Variants in USP37 observed in about 807,000 individuals in gnomAD.
The protein encoded by USP37 is ubiquitin carboxyl-terminal hydrolase 37.
Under a neutral mutation model 124.0 loss-of-function variants are expected in USP37, and 27 were observed. The ratio of observed to expected loss-of-function variants is 0.22; its 90% CI spans 0.16 to 0.30. The LOEUF (loss-of-function observed/expected upper bound fraction) is 0.30. USP37 is among the 10% of genes least tolerant of loss of function. The probability of loss-of-function intolerance (pLI) is 1.00; values close to 1 mark genes in which losing one functional copy is unlikely to be tolerated. For synonymous variants in USP37, 365 were observed against 388.0 expected, an observed-to-expected ratio of 0.94 and a Z score of 0.70; for missense variants, 889 against 1,140.4, an observed-to-expected ratio of 0.78 and a Z score of 3.17.
chr2:218,461,572 C>T lies in USP37; in HGVS notation c.2528-1667G>A, dbSNP rs568760488. Among the ~76,000 whole-genome samples, 14 of 152,020 alleles carry T rather than the reference C, an allele frequency of 9.2e-5. 1 individual carries two copies. The South Asian group carries it at 2.9e-3, about 32-fold the overall frequency. ...AGAACAGGAAAAGAGAATATAGCTT[C>T]AAAATTCTGGAAGTTGGAAATACAT... On this transcript the variant is annotated intron_variant, in intron 22 of 25. Transcript: ENST00000258399.
At chr2:218,477,084 A>G (rs1691022087) in intron 18 of USP37, 103 bp from the exon 19 acceptor site, 1 of 1,276,128 alleles carries the variant, frequency 7.8e-7, no homozygotes. Flanking sequence ...ACGGAAAATT[A>G]CTTAACAGAA....
chr2:218,539,977 C>T (rs980350526), intron 8 of USP37, among the ~76,000 whole-genome samples: 1 of 151,994 alleles, frequency 6.6e-6, no homozygotes. Flanking sequence ...GCCACTGCAT[C>T]CCAGCCTAGG....
Position 218,558,520 on chromosome 2 carries a change from C to G in USP37, c.134G>C (p.Gly45Ala). The change falls in exon 4 of 26, where the codon GGA becomes GCA. Residue 45 changes from glycine to alanine, a missense_variant. Gly to Ala is a moderately conservative substitution (Grantham distance 60). Transcript: ENST00000258399. ...TACCTGAAATATCCTTGGAATTCCT[C>G]CAGTATTGTAGTGAACTACTAGGCT... Reference protein sequence around the residue: ...KVSLVVHYNTGGIPRIFQLSH... With the variant: ...KVSLVVHYNTAGIPRIFQLSH... 1.2e-6 allele frequency: 2 copies of G among 1,610,316 alleles called. No individual in the cohort carries two copies. The highest frequency in any genetic ancestry group is 1.7e-6 in the Non-Finnish European group (2 of 1,178,756).
chr2:218,493,918 C>T (rs1338429845), intron 14 of USP37, among the ~76,000 whole-genome samples: 1 of 152,148 alleles, frequency 6.6e-6, no homozygotes, highest in Non-Finnish European at 1.5e-5. Context: ...ATGGTACGCC[C>T]ATAATTCAAT....
intron 5 of USP37, among the ~76,000 whole-genome samples, chr2:218,550,940 T>C (rs111385280): frequency 0.013 from 1,982 of 152,316 alleles, 17 homozygotes; most frequent in Non-Finnish European, 0.022. Flanking sequence ...GTCTAATTTT[T>C]TAACACAAGT....
chr2:218,455,689 T>C lies in USP37; in HGVS notation c.2743A>G (p.Lys915Glu). ...GHYISDVYDI[K>E]KQAWFTYNDL... is the part of the protein sequence containing the mutation. Reference sequence around the variant, plus strand: ...TTGTAAGTAAACCACGCTTGCTTCTTAATGTCATATACATCACTAATGTAA... The same window carrying C: ...TTGTAAGTAAACCACGCTTGCTTCTCAATGTCATATACATCACTAATGTAA... Residue 915 changes from lysine to glutamate, a missense_variant, in exon 25 of 26, where the codon AAG becomes GAG. Transcript: ENST00000258399. The C allele has an allele frequency of 6.2e-7, 1 of 1,614,094 alleles. No homozygotes were observed. The highest frequency in any genetic ancestry group is 1.1e-5 in the South Asian group (1 of 91,046).
chr2:218,516,872 G>T (rs1413456579), intron 10 of USP37, among the ~76,000 whole-genome samples: 2 of 152,070 alleles, frequency 1.3e-5, no homozygotes, highest in Non-Finnish European at 2.9e-5. Flanking sequence ...ATCTATACAT[G>T]AATTTACATA....
At chr2:218,489,423 A>G (rs535975152) in intron 14 of USP37, among the ~76,000 whole-genome samples, 1 of 152,032 alleles carries the variant, frequency 6.6e-6, no homozygotes, top group Admixed American at 6.6e-5. Flanking sequence ...ACTCCCTAGA[A>G]GCCCCCTTGC....
chr2:218,548,122 T>A (rs1409789299), intron 6 of USP37, among the ~76,000 whole-genome samples: 1 of 152,180 alleles, frequency 6.6e-6, no homozygotes, highest in Non-Finnish European at 1.5e-5. Context: ...CAAATCAAAG[T>A]AATATTAGAA....
rs1689540040 is a variant in USP37 at position 218,453,269 on chromosome 2, GTTTT to G, written c.*1657_*1660del. ...TTGTGTTTTTTTTGTTTTTGTTTTC[GTTTT>G]TTTTAATGAGATGGAGTCTCACTCT... On this transcript the variant is annotated 3_prime_UTR_variant, in exon 26 of 26. Coordinates refer to ENST00000258399, the MANE Select transcript of USP37 (RefSeq NM_020935.3). The G allele has an allele frequency of 6.6e-6, 1 of 151,090 alleles. No homozygotes were observed. The highest frequency in any genetic ancestry group is 2.4e-5 in the African/African-American group (1 of 41,132). 9.4% of individuals were successfully genotyped at this position (151,090 alleles called of 1,614,324 possible). A position where few individuals can be genotyped will look rare whatever the true frequency, so the allele number is the denominator to read the frequency against.
intron 21 of USP37, among the ~76,000 whole-genome samples, chr2:218,463,927 C>T (rs1413296219): frequency 6.8e-6 from 1 of 147,234 alleles, no homozygotes; most frequent in African/African-American, 2.5e-5. Flanking sequence ...ACGATCTCGG[C>T]TCACTGCATC....
intron 11 of USP37, among the ~76,000 whole-genome samples, chr2:218,506,286 C>CT (rs60620765): frequency 3.4e-4 from 25 of 72,620 alleles, no homozygotes; most frequent in African/African-American, 7.3e-4. Flanking sequence ...TTCTTTCTGG[C>CT]TTTTTTTTTT....
chr2:218,511,954 TAA>T (rs1163871162), intron 10 of USP37, among the ~76,000 whole-genome samples: 1 of 152,200 alleles, frequency 6.6e-6, no homozygotes, highest in Non-Finnish European at 1.5e-5. Flanking sequence ...AATACAGTTA[TAA>T]GTGTCTTTTT....
chr2:218,521,472 A>G (rs1162664614), intron 10 of USP37, among the ~76,000 whole-genome samples: 2 of 151,904 alleles, frequency 1.3e-5, no homozygotes, highest in African/African-American at 4.8e-5. Flanking sequence ...TATTTGTCCT[A>G]ATGCCCTCCC....
chr2:218,460,258 C>CAA (rs34916803), intron 22 of USP37, among the ~76,000 whole-genome samples: 14 of 129,480 alleles, frequency 1.1e-4, no homozygotes, highest in South Asian at 2.5e-4. Flanking sequence ...AACTCTGTCC[C>CAA]AAAAAAAAAA....
intron 5 of USP37, 43 bp from the exon 6 acceptor site, chr2:218,549,952 C>T: frequency 7.1e-7 from 1 of 1,400,030 alleles, no homozygotes; most frequent in Non-Finnish European, 9.8e-7. Flanking sequence ...CCCCAAATCA[C>T]TCACTTTAAC....
At chr2:218,548,933 C>T (rs1692519414) in intron 6 of USP37, among the ~76,000 whole-genome samples, 1 of 152,098 alleles carries the variant, frequency 6.6e-6, no homozygotes, top group South Asian at 2.1e-4. Flanking sequence ...GTATGAATCT[C>T]AAAATAATTA....
intron 10 of USP37, among the ~76,000 whole-genome samples, chr2:218,518,852 T>C (rs377623222): frequency 2.6e-5 from 4 of 152,324 alleles, no homozygotes; most frequent in African/African-American, 9.6e-5. Context: ...AGTGTGATGA[T>C]GCTGCATTTC....
chr2:218,547,812 G>A (rs1692444944), intron 6 of USP37, among the ~76,000 whole-genome samples: 1 of 152,098 alleles, frequency 6.6e-6, no homozygotes, highest in African/African-American at 2.4e-5. Flanking sequence ...GTGAGATAGA[G>A]TTCAATATGA....
Sources: gnomAD v4.1 joint callset for allele counts (sites outside exome capture counted in the v4.1 genomes callset) on GRCh38, gnomAD v4.1.1 for gene constraint, MANE v1.5 for transcripts, NCBI Gene and HGNC (gene_info 2026-07-23, HGNC 2026-07-21) for gene names.